Variants in SLC6A7 observed in about 807,000 individuals in gnomAD.
The protein encoded by SLC6A7 is sodium-dependent proline transporter.
SLC6A7 carries 58 observed loss-of-function variants against 73.1 expected under a neutral mutation model. The ratio of observed to expected loss-of-function variants is 0.79; its 90% CI spans 0.64 to 0.99. SLC6A7 has a LOEUF of 0.99. SLC6A7 is among the 50% of genes least tolerant of loss of function. The pLI is 0.00. For synonymous variants in SLC6A7, 338 were observed against 338.7 expected (o/e 1.00, Z 0.02); for missense variants, 783 against 831.4 (o/e 0.94, Z 0.72).
chr5:150,197,017 G>A (rs1340984496), intron 3 of SLC6A7, 25 bp from the exon 4 acceptor site: 1 of 1,604,876 alleles, frequency 6.2e-7, no homozygotes, highest in Non-Finnish European at 8.5e-7. Flanking sequence ...GGCCTGGGCA[G>A]CCCAGCAGCC....
chr5:150,208,733 C>T (rs1753816788), intron 13 of SLC6A7, among the ~76,000 whole-genome samples: 1 of 152,162 alleles, frequency 6.6e-6, no homozygotes, highest in African/African-American at 2.4e-5. Flanking sequence ...CCTGGCATGA[C>T]AGGCAGAGGG....
Position 150,204,851 on chromosome 5 carries a change from T to A in SLC6A7, c.1457T>A (p.Ile486Asn). The A allele has an allele frequency of 6.4e-7, 1 of 1,559,722 alleles. No homozygotes were observed. Residue 486 changes from isoleucine to asparagine, a missense_variant, in exon 12 of 14, where the codon ATC (isoleucine) becomes AAC (asparagine). By Grantham distance (149) the Ile-to-Asn change is moderately radical. Coordinates refer to ENST00000230671, the MANE Select transcript of SLC6A7 (RefSeq NM_014228.5). ...GGCATTCAGAGGTTCTGCCGAGACA[T>A]CCACATGATGCTGGGCTTCAAGCCG... ...VYGIQRFCRD[I>N]HMMLGFKPGL...
chr5:150,192,658 C>T (rs888463958), intron 1 of SLC6A7, among the ~76,000 whole-genome samples: 3 of 152,212 alleles, frequency 2.0e-5, no homozygotes, highest in Non-Finnish European at 4.4e-5. Context: ...GGAGCAGAAG[C>T]AGGCTTCCCT....
intron 13 of SLC6A7, among the ~76,000 whole-genome samples, chr5:150,208,315 T>C (rs1020795864): frequency 6.6e-6 from 1 of 152,066 alleles, no homozygotes; most frequent in African/African-American, 2.4e-5. Context: ...TGTAGGTATC[T>C]AGGGTAAGAG....
At position 150,203,981 on chromosome 5, in the gene SLC6A7, G is replaced by T. The variant is rs991743934; in HGVS notation, c.1275G>T (p.Val425=). 1 of 1,613,772 alleles carries T rather than the reference G, an allele frequency of 6.2e-7. No homozygotes were observed. Among genetic ancestry groups the T allele is most frequent in the African/African-American group, 1.3e-5 (1 of 74,868 alleles). Residue 425 remains valine (V), a synonymous_variant, in exon 10 of 14, where the codon GTG becomes GTT. Coordinates refer to ENST00000230671, the MANE Select transcript of SLC6A7 (RefSeq NM_014228.5). ...ACTACCTGCGGCCCAAGAAGGCGGT[G>T]TTCTCAGGGCTCATCTGCGTGGCCA... ...FPYYLRPKKA[V]FSGLICVAMY...
chr5:150,196,729 GC>G lies in SLC6A7; in HGVS notation c.234del (p.Tyr79ThrfsTer25). 6.2e-7 allele frequency: 1 copy of G among 1,613,792 alleles called. No homozygotes were observed. Among genetic ancestry groups the G allele is most frequent in the Non-Finnish European group, 8.5e-7 (1 of 1,179,800 alleles). On this transcript the variant is annotated frameshift_variant, in exon 3 of 14. Coordinates refer to ENST00000230671, the MANE Select transcript of SLC6A7 (RefSeq NM_014228.5). LOFTEE classifies it high-confidence loss of function. ...YTNGGGAFLVPYFLMLAICGI... is the reference protein window; with the variant it reads ...YTNGGGAFLVXYFLMLAICGI... ...CGCTCCCGGCAGGCGCCTTCCTCGT[GC>G]CCTACTTCCTCATGCTGGCCATCTG...
At position 150,205,438 on chromosome 5, in the gene SLC6A7, G is replaced by C; in HGVS notation, c.1534-18G>C. 6.4e-7 allele frequency: 1 copy of C among 1,573,526 alleles called. No individual in the cohort carries two copies. Among genetic ancestry groups the C allele is most frequent in the Non-Finnish European group, 8.6e-7 (1 of 1,157,810 alleles). ...TAGACAAAAGCCCGCAGTGATGCTG[G>C]GAGTCCCCACTCTGCAGGCCCTCAT... On this transcript the variant is annotated intron_variant, in intron 12 of 13. Transcript: ENST00000230671.
chr5:150,203,520 A>C, intron 8 of SLC6A7, 147 bp from the exon 9 acceptor site: 1 of 595,098 alleles, frequency 1.7e-6, no homozygotes, highest in Non-Finnish European at 3.0e-6. Context: ...GAGTTAAGGA[A>C]GTATCAGAGG....
At position 150,196,949 on chromosome 5, in the gene SLC6A7, G is replaced by A. The variant is rs1447682966; in HGVS notation, c.350-93G>A. 5.2e-6 allele frequency: 8 copies of A among 1,531,960 alleles called. No homozygotes were observed. The African/African-American group carries it at 6.8e-5, about 13-fold the overall frequency. The allele number at this position is 1,531,960 out of a possible 1,614,324, so 94.9% of individuals were successfully genotyped here. ...GCCAGCTCCAGGCAGAGGTGGAAGT[G>A]AAGCCCAGATAGCTGCCAGCTCCCC... On this transcript the variant is annotated intron_variant, in intron 3 of 13. Transcript: ENST00000230671.
intron 1 of SLC6A7, among the ~76,000 whole-genome samples, chr5:150,193,491 C>T (rs1047568970): frequency 6.6e-6 from 1 of 152,160 alleles, no homozygotes; most frequent in Non-Finnish European, 1.5e-5. Context: ...TTTGACCCCC[C>T]CAGCCAAGCT....
At chr5:150,193,462 C>T (rs1458428145) in intron 1 of SLC6A7, among the ~76,000 whole-genome samples, 1 of 152,224 alleles carries the variant, frequency 6.6e-6, no homozygotes, top group Non-Finnish European at 1.5e-5. Flanking sequence ...TCAGGCTCTC[C>T]CTACCTTGCC....
intron 5 of SLC6A7, 88 bp from the exon 6 acceptor site, chr5:150,201,001 G>A (rs1753348893): frequency 2.8e-6 from 4 of 1,446,584 alleles, no homozygotes; most frequent in Non-Finnish European, 3.8e-6. Flanking sequence ...CCAAAGGCTG[G>A]GGAGGCAAGT....
At chr5:150,202,769 T>C (rs1233528866) in intron 8 of SLC6A7, 66 bp downstream of exon 8, 2 of 1,558,410 alleles carry the variant, frequency 1.3e-6, no homozygotes, top group Admixed American at 1.8e-5. Context: ...GCTGGGCCAG[T>C]GGACCAGCAA....
intron 5 of SLC6A7, 92 bp from the exon 6 acceptor site, chr5:150,200,997 G>T: frequency 7.1e-7 from 1 of 1,414,050 alleles, no homozygotes; most frequent in Non-Finnish European, 9.9e-7. Context: ...CTACCCAAAG[G>T]CTGGGGAGGC....
intron 1 of SLC6A7, among the ~76,000 whole-genome samples, chr5:150,192,119 C>T (rs1169017713): frequency 6.6e-6 from 1 of 151,798 alleles, no homozygotes; most frequent in Non-Finnish European, 1.5e-5. Context: ...GAGAAAATGC[C>T]AGATTTCCGC....
rs563206781 is a variant in SLC6A7, at chr5:150,192,769, G to A, written c.34-1959G>A. The stretch of plus-strand genomic sequence containing the variant: ...GGGACCGCTCCATGAGCATGGAAAG[G>A]GCAGCTTCTCTGGAGGGATCAGAGG... On this transcript the variant is annotated intron_variant, in intron 1 of 13. Transcript: ENST00000230671. Among the ~76,000 whole-genome samples, 3 of 152,290 alleles carry A rather than the reference G, an allele frequency of 2.0e-5. No individual in the cohort carries two copies. In the South Asian group the frequency reaches 6.2e-4, roughly 32 times the overall value.
intron 1 of SLC6A7, among the ~76,000 whole-genome samples, chr5:150,192,626 G>A (rs1752836862): frequency 6.6e-6 from 1 of 152,190 alleles, no homozygotes; most frequent in South Asian, 2.1e-4. Context: ...CTCAGCTTTG[G>A]AGGACCCTAT....
intron 6 of SLC6A7, among the ~76,000 whole-genome samples, chr5:150,202,038 T>C (rs1753409551): frequency 6.6e-6 from 1 of 152,168 alleles, no homozygotes; most frequent in Non-Finnish European, 1.5e-5. Flanking sequence ...TTACTGCCAA[T>C]ACAAATCTCC....
At chr5:150,198,044 A>C (rs540282941) in intron 4 of SLC6A7, among the ~76,000 whole-genome samples, 1 of 144,760 alleles carries the variant, frequency 6.9e-6, no homozygotes, top group African/African-American at 2.6e-5. Context: ...CTTTAAAAGA[A>C]GAAAGAGAAA....
Sources: gnomAD v4.1 joint callset for allele counts (sites outside exome capture counted in the v4.1 genomes callset) on GRCh38, gnomAD v4.1.1 for gene constraint, MANE v1.5 for transcripts, NCBI Gene and HGNC (gene_info 2026-07-23, HGNC 2026-07-21) for gene names.